Variants in TLN1 observed in about 807,000 individuals in gnomAD.
TLN1 encodes talin-1.
TLN1 carries 56 observed loss-of-function variants against 292.3 expected under a neutral mutation model. The ratio of observed to expected loss-of-function variants is 0.19; its 90% CI spans 0.15 to 0.24. The LOEUF is 0.24. Ranked by LOEUF, TLN1 falls within the 10% of genes least tolerant of loss-of-function variation. The pLI is 1.00. For missense variants in TLN1, 2,433 were observed against 3,248.2 expected (o/e 0.75, Z 6.10); for synonymous variants, 1,119 against 1,253.7 (o/e 0.89, Z 2.27).
intron 25 of TLN1, 57 bp downstream of exon 25, chr9:35,713,896 C>T (rs544547219): frequency 1.2e-5 from 19 of 1,604,912 alleles, no homozygotes; most frequent in East Asian, 6.7e-5. Context: ...CTCTGGGGCA[C>T]GGAGGTGAAG....
chr9:35,697,940 A>T (rs1178539301), intron 56 of TLN1, 24 bp from the exon 57 acceptor site: 1 of 1,613,734 alleles, frequency 6.2e-7, no homozygotes, highest in African/African-American at 1.3e-5. Flanking sequence ...TCGGGGACTT[A>T]GTTCAGTGAG....
At chr9:35,709,760 G>A (rs1299943128) in intron 33 of TLN1, among the ~76,000 whole-genome samples, 9 of 150,546 alleles carry the variant, frequency 6.0e-5, no homozygotes, top group African/African-American at 1.2e-4. Flanking sequence ...GGTGGCGCGC[G>A]CCTGTAGTCC....
Position 35,714,793 on chromosome 9 carries a change from G to T in TLN1, c.2838C>A (p.Ala946=). ...TCTGCACCAGCAGGGGCTGGGGGCC[G>T]GCAGAGGCCTTGGGGGTAGAGGCTG... ...QHAASTPKAS[A]GPQPLLVQSC... is the part of the protein sequence containing the mutation. The change falls in exon 22 of 57, where the codon GCC becomes GCA. Residue 946 remains alanine (A), a synonymous_variant. Transcript: ENST00000314888. The surrounding 1 kb of genome is among the most constrained non-coding windows in gnomAD (Gnocchi z 4.6). 6.3e-7 allele frequency: 1 copy of T among 1,584,394 alleles called. No individual in the cohort carries two copies. Among genetic ancestry groups the T allele is most frequent in the Non-Finnish European group, 8.6e-7 (1 of 1,164,700 alleles).
chr9:35,712,744 G>T, intron 27 of TLN1, 91 bp downstream of exon 27: 1 of 1,153,682 alleles, frequency 8.7e-7, no homozygotes, highest in Non-Finnish European at 1.2e-6. Context: ...CTCTGTGAGT[G>T]TGGACGAGGC....
At chr9:35,703,962 A>G in intron 46 of TLN1, 29 bp downstream of exon 46, 1 of 1,612,752 alleles carries the variant, frequency 6.2e-7, no homozygotes, top group Non-Finnish European at 8.5e-7. Context: ...AAGTGATTCC[A>G]GCCGGAATTA....
intron 34 of TLN1, 37 bp downstream of exon 34, chr9:35,708,304 C>T: frequency 6.4e-7 from 1 of 1,557,906 alleles, no homozygotes; most frequent in South Asian, 1.2e-5. Flanking sequence ...TCTGCCCTTT[C>T]CCAGACTCGC....
chr9:35,723,466 T>A (rs1223212373), intron 7 of TLN1: 1 of 183,212 alleles, frequency 5.5e-6, no homozygotes, highest in Non-Finnish European at 1.1e-5. Context: ...GAAAATTAAG[T>A]TAGAGGCTCA....
rs1370248431 is a variant in TLN1, at chr9:35,714,348, G to A, written c.3011C>T (p.Ala1004Val). Reference protein sequence around the residue: ...LQPGGKMVAAAKASVPTIQDQ... With the variant: ...LQPGGKMVAAVKASVPTIQDQ... The stretch of plus-strand genomic sequence containing the variant: ...CTGAATCGTTGGCACTGAGGCCTTT[G>A]CAGCTGCCACCATCTTCCCACCTGG... Residue 1004 changes from alanine to valine, a missense_variant, in exon 24 of 57, where the codon GCA becomes GTA. Ala to Val is a moderately conservative substitution (Grantham distance 64). Coordinates refer to ENST00000314888, the MANE Select transcript of TLN1 (RefSeq NM_006289.4). This position sits in a 1 kb window ranked among gnomAD's most constrained non-coding sequence, Gnocchi z 4.6. 6.2e-7 allele frequency: 1 copy of A among 1,612,546 alleles called. No individual in the cohort carries two copies. Among genetic ancestry groups the A allele is most frequent in the Admixed American group, 1.7e-5 (1 of 59,942 alleles).
chr9:35,699,850 G>T lies in TLN1; in HGVS notation c.6768+124C>A. The T allele has an allele frequency of 1.8e-6, 2 of 1,127,102 alleles. No individual in the cohort carries two copies. The highest frequency in any genetic ancestry group is 1.2e-6 in the Non-Finnish European group (1 of 812,230). 69.8% of individuals were successfully genotyped at this position (1,127,102 alleles called of 1,614,324 possible). ...GAGACTTGGAAAGGAGAACAGATTT[G>T]GGAAGTAGAGGGTGGGGTAGGGAGG... On this transcript the variant is annotated intron_variant, in intron 50 of 56. Transcript: ENST00000314888. The surrounding 1 kb of genome is among the most constrained non-coding windows in gnomAD (Gnocchi z 4.0).
At chr9:35,709,536 AG>A (rs1825623173) in intron 33 of TLN1, among the ~76,000 whole-genome samples, 1 of 152,214 alleles carries the variant, frequency 6.6e-6, no homozygotes, top group Non-Finnish European at 1.5e-5. Context: ...ATGTGGGAAA[AG>A]GCAAAGTTAA....
rs1825392910 is a variant in TLN1, at chr9:35,697,804, C to T, written c.7613G>A (p.Arg2538Gln). The T allele has an allele frequency of 4.3e-6, 7 of 1,613,952 alleles. No homozygotes were observed. The highest frequency in any genetic ancestry group is 2.2e-5 in the South Asian group (2 of 91,092). The change falls in exon 57 of 57, where the codon CGA becomes CAA. Residue 2538 changes from arginine (R) to glutamine (Q), a missense_variant. This residue lies in a region of TLN1 where 141 missense variants were observed against 248.5 expected (regional missense o/e 0.57). Transcript: ENST00000314888. ...GAAGAGGCTTCTTTAGTGCTCATCT[C>T]GAAGCTCTGAAGGCAGAAACTTGTA... ...QQYKFLPSEL[R>Q]DEH
In TLN1 at chr9:35,707,738, G is replaced by A; in HGVS notation, c.4625C>T (p.Thr1542Ile). The change falls in exon 35 of 57, where the codon ACC (threonine) becomes ATC (isoleucine). Residue 1542 changes from threonine to isoleucine, a missense_variant. By Grantham distance (89) the Thr-to-Ile change is moderately conservative. This residue lies in a region of TLN1 where 1,384 missense variants were observed against 1,699.6 expected (regional missense o/e 0.81). Coordinates refer to ENST00000314888, the MANE Select transcript of TLN1 (RefSeq NM_006289.4). The surrounding 1 kb of genome is among the most constrained non-coding windows in gnomAD (Gnocchi z 5.6). The part of the protein sequence containing the change: ...VANSTANLVK[T>I]IKALDGAFTE... ...AATTCAAGCAATGGGAACCTTGATGGTCTTGACAAGATTAGCTGTGCTGTT... is the reference window on the plus strand; with the variant it reads ...AATTCAAGCAATGGGAACCTTGATGATCTTGACAAGATTAGCTGTGCTGTT... The A allele has an allele frequency of 6.2e-7, 1 of 1,614,212 alleles. No individual in the cohort carries two copies. The highest frequency in any genetic ancestry group is 8.5e-7 in the Non-Finnish European group (1 of 1,180,034).
chr9:35,706,850 T>G lies in TLN1; in HGVS notation c.5006A>C (p.Asn1669Thr), dbSNP rs781536225. The change falls in exon 38 of 57, where the codon AAC (asparagine) becomes ACC (threonine). Residue 1669 changes from asparagine (N) to threonine (T), a missense_variant. By Grantham distance (65) the Asn-to-Thr change is moderately conservative. Coordinates refer to ENST00000314888, the MANE Select transcript of TLN1 (RefSeq NM_006289.4). This position sits in a 1 kb window ranked among gnomAD's most constrained non-coding sequence, Gnocchi z 4.2. ...CTGGTCTAGGTCCCGTAGACAACTG[T>G]TCAGAGCTGCAATGGCCGTTTCACA... ...LECETAIAAL[N>T]SCLRDLDQAS... 6 of 1,614,016 alleles carry G rather than the reference T, an allele frequency of 3.7e-6. No homozygotes were observed. Among genetic ancestry groups the G allele is most frequent in the Non-Finnish European group, 1.7e-6 (2 of 1,179,998 alleles).
In TLN1 at chr9:35,697,577, C is replaced by CAGGCACTTGGGGGGCCCTAGGGCATGA; in HGVS notation, c.*187_*213dup. On this transcript the variant is annotated 3_prime_UTR_variant, in exon 57 of 57. Transcript: ENST00000314888. Reference sequence around the variant, plus strand: ...GGAGCGTTAATACTCTGGGGAGGGGCAGGCACTTGGGGGGCCCTAGGGCAT... The same window carrying CAGGCACTTGGGGGGCCCTAGGGCATGA: ...GGAGCGTTAATACTCTGGGGAGGGGCAGGCACTTGGGGGGCCCTAGGGCATGAAGGCACTTGGGGGGCCCTAGGGCAT... 3.3e-6 allele frequency: 2 copies of CAGGCACTTGGGGGGCCCTAGGGCATGA among 605,598 alleles called. No homozygotes were observed. The highest frequency in any genetic ancestry group is 4.2e-5 in the South Asian group (2 of 47,858). The allele number at this position is 605,598 out of a possible 1,614,324, so 37.5% of individuals were successfully genotyped here.
chr9:35,722,629 A>G (rs1373014002), intron 8 of TLN1, among the ~76,000 whole-genome samples: 1 of 152,258 alleles, frequency 6.6e-6, no homozygotes, highest in African/African-American at 2.4e-5. Flanking sequence ...AATCAGAGGT[A>G]AATAAAAGAT....
At position 35,713,312 on chromosome 9, in the gene TLN1, G is replaced by A. The variant is rs1423886148; in HGVS notation, c.3250-14C>T. The A allele has an allele frequency of 2.5e-6, 4 of 1,572,598 alleles. No individual in the cohort carries two copies. The South Asian group carries it at 3.4e-5, about 13-fold the overall frequency. On this transcript the variant is annotated splice_polypyrimidine_tract_variant and intron_variant, in intron 25 of 56. Transcript: ENST00000314888. ...ACACTTCTCCATCTAAGGATGAAGG[G>A]GGAAGAATTGGGCTTGAGAAAGGAG...
intron 34 of TLN1, chr9:35,708,106 A>G: frequency 1.4e-6 from 1 of 720,114 alleles, no homozygotes; most frequent in East Asian, 2.7e-5. Flanking sequence ...GAGAAACCAT[A>G]AGAGGGCATG....
chr9:35,711,908 T>C lies in TLN1; in HGVS notation c.3681+97A>G, dbSNP rs959668747. 9 of 1,593,162 alleles carry C rather than the reference T, an allele frequency of 5.6e-6. No individual in the cohort carries two copies. The African/African-American group carries it at 1.1e-4, about 19-fold the overall frequency. On this transcript the variant is annotated intron_variant, in intron 28 of 56. Coordinates refer to ENST00000314888, the MANE Select transcript of TLN1 (RefSeq NM_006289.4). ...CCTGGGAGTAATGAAAGGGGACAGA[T>C]CTGGGAAGTCAGGGTCAAAGGACAA...
At position 35,715,233 on chromosome 9, in the gene TLN1, A is replaced by T. The variant is rs755209176; in HGVS notation, c.2626-46T>A. On this transcript the variant is annotated intron_variant, in intron 20 of 56. Coordinates refer to ENST00000314888, the MANE Select transcript of TLN1 (RefSeq NM_006289.4). ...CAGTCATCACCCAGCTCTCCTGTGG[A>T]TCCTAAAGAAGCTCCTCTCTCACTC... 8.1e-6 allele frequency: 13 copies of T among 1,595,820 alleles called. No homozygotes were observed. In the South Asian group the frequency reaches 1.3e-4, roughly 16 times the overall value.
Sources: allele counts gnomAD v4.1 joint callset (sites outside exome capture counted in the v4.1 genomes callset), GRCh38; gene constraint gnomAD v4.1.1; regional missense constraint gnomAD v4.1.1; non-coding constraint Gnocchi (gnomAD v3.1); transcripts MANE v1.5; gene names NCBI Gene and HGNC (gene_info 2026-07-23, HGNC 2026-07-21).